The following ZNF202 variants were observed in gnomAD, a reference collection of about 807,000 sequenced individuals.
The protein encoded by ZNF202 is zinc finger protein with KRAB and SCAN domains 10.
ZNF202 carries 22 observed loss-of-function variants against 54.5 expected under a neutral mutation model. The ratio of observed to expected loss-of-function variants is 0.40; its 90% confidence interval spans 0.29 to 0.58. The LOEUF (loss-of-function observed/expected upper bound fraction) is 0.58. Among genes scored for constraint, ZNF202 ranks in the 20% least tolerant of loss-of-function variants. ZNF202 has a pLI of 0.39. For synonymous variants in ZNF202, 294 were observed against 301.4 expected (o/e 0.98, Z 0.26); for missense variants, 644 against 805.5 (o/e 0.80, Z 2.43).
At chr11:123,734,989 T>A (rs996309272) in intron 3 of ZNF202, among the ~76,000 whole-genome samples, 87 of 151,026 alleles carry the variant, frequency 5.8e-4, no homozygotes, top group African/African-American at 2.0e-3. Context: ...ATAATCCAAA[T>A]GCAAGTCACA....
In ZNF202 at chr11:123,726,772, G is replaced by A. The variant is rs1861162479; in HGVS notation, c.1172C>T (p.Pro391Leu). The change falls in exon 9 of 9, where the codon CCC (proline) becomes CTC (leucine). Residue 391 changes from proline (P) to leucine (L), a missense_variant. Physicochemically the swap from Pro to Leu is moderately conservative, Grantham distance 98 (BLOSUM62 -3). Transcript: ENST00000530393. The surrounding 1 kb of genome is among the most constrained non-coding windows in gnomAD (Gnocchi z 6.0). ...VNLRETTPVH[P>L]LLGRHHDCSV... ...ACAGTCATGATGCCTCCCTAACAGG[G>A]GGTGGACGGGTGTAGTTTCCCGAAG... The A allele has an allele frequency of 6.2e-7, 1 of 1,614,206 alleles. No homozygotes were observed. The highest frequency in any genetic ancestry group is 2.2e-5 in the East Asian group (1 of 44,882).
chr11:123,728,003 C>T, intron 7 of ZNF202, 130 bp downstream of exon 7: 1 of 1,058,926 alleles, frequency 9.4e-7, no homozygotes, highest in Non-Finnish European at 1.3e-6. Context: ...CCTAATCCCT[C>T]AATTTTATTG....
In ZNF202 at chr11:123,729,805, G is replaced by A. The variant is rs1417549452; in HGVS notation, c.423C>T (p.Gly141=). The A allele has an allele frequency of 6.2e-7, 1 of 1,609,918 alleles. No individual in the cohort carries two copies. Among genetic ancestry groups the A allele is most frequent in the Admixed American group, 1.7e-5 (1 of 59,474 alleles). ...PRRWVTVHVH[G]QEVLSEETVH... The stretch of plus-strand genomic sequence containing the variant: ...CCGTCTCCTCTGACAGGACTTCCTG[G>A]CCGTGAACATGGACAGTCACCTGGG... Residue 141 remains glycine, a synonymous_variant, in exon 5 of 9, where the codon GGC becomes GGT. Transcript: ENST00000530393.
At chr11:123,737,096 G>C (rs1200632735) in intron 3 of ZNF202, among the ~76,000 whole-genome samples, 2 of 152,104 alleles carry the variant, frequency 1.3e-5, no homozygotes, top group East Asian at 3.9e-4. Flanking sequence ...AGGATTAAAT[G>C]AAAGTGTTGG....
chr11:123,741,248 T>G (rs1007838249), intron 1 of ZNF202, among the ~76,000 whole-genome samples: 2 of 152,072 alleles, frequency 1.3e-5, no homozygotes, highest in African/African-American at 4.8e-5. Context: ...ACGGACTAAC[T>G]ACATTTCTGC....
intron 8 of ZNF202, 82 bp downstream of exon 8, chr11:123,727,394 C>A (rs906695432): frequency 4.4e-6 from 7 of 1,576,576 alleles, no homozygotes; most frequent in Non-Finnish European, 6.0e-6. Context: ...CTGATGAGAG[C>A]GGGGCCCTAC....
Position 123,726,769 on chromosome 11 carries a change from A to AG in ZNF202, c.1174dup (p.Leu392ProfsTer7). On this transcript the variant is annotated frameshift_variant, in exon 9 of 9. Coordinates refer to ENST00000530393, the MANE Select transcript of ZNF202 (RefSeq NM_003455.4). LOFTEE classifies it high-confidence loss of function. The surrounding 1 kb of genome is among the most constrained non-coding windows in gnomAD (Gnocchi z 6.0). Reference sequence around the variant, plus strand: ...AGAACAGTCATGATGCCTCCCTAACAGGGGGTGGACGGGTGTAGTTTCCCG... The same window carrying AG: ...AGAACAGTCATGATGCCTCCCTAACAGGGGGGTGGACGGGTGTAGTTTCCCG... The AG allele has an allele frequency of 6.2e-7, 1 of 1,614,210 alleles. No homozygotes were observed. Among genetic ancestry groups the AG allele is most frequent in the South Asian group, 1.1e-5 (1 of 91,076 alleles).
At chr11:123,727,076 T>G in intron 8 of ZNF202, 85 bp from the exon 9 acceptor site, 1 of 1,497,868 alleles carries the variant, frequency 6.7e-7, no homozygotes. Context: ...ACAAAGGGTT[T>G]TGAGATGGCA....
Position 123,725,547 on chromosome 11 carries a change from C to T in ZNF202, c.*450G>A, listed in dbSNP as rs1861092588. ...CCTGTCTTGAGTCCAGAGCTGTGTG[C>T]TTTAAGATTTGACCCCAGTAAAGAC... is the stretch of plus-strand genomic sequence containing the variant. On this transcript the variant is annotated 3_prime_UTR_variant, in exon 9 of 9. Coordinates refer to ENST00000530393, the MANE Select transcript of ZNF202 (RefSeq NM_003455.4). 1 of 161,416 alleles carries T rather than the reference C, an allele frequency of 6.2e-6. No individual in the cohort carries two copies. The highest frequency in any genetic ancestry group is 2.4e-5 in the African/African-American group (1 of 41,550). The allele number at this position is 161,416 out of a possible 1,614,324, so 10.0% of individuals were successfully genotyped here. A position where few individuals can be genotyped will look rare whatever the true frequency, so the allele number is the denominator to read the frequency against.
chr11:123,726,957 C>G lies in ZNF202; in HGVS notation c.987G>C (p.Glu329Asp). The part of the protein sequence containing the change: ...DRSKDEEECL[E>D]QEDLSLEDIH... ...TATCCTCCAAACTCAGATCTTCCTG[C>G]TCCAGACACTCTTCCTCATCTTTAC... The change falls in exon 9 of 9, where the codon GAG becomes GAC. Residue 329 changes from glutamate to aspartate, a missense_variant. Physicochemically the swap from Glu to Asp is conservative, Grantham distance 45 (BLOSUM62 2). Coordinates refer to ENST00000530393, the MANE Select transcript of ZNF202 (RefSeq NM_003455.4). This position sits in a 1 kb window ranked among gnomAD's most constrained non-coding sequence, Gnocchi z 6.0. The G allele has an allele frequency of 6.2e-7, 1 of 1,613,540 alleles. No homozygotes were observed. Among genetic ancestry groups the G allele is most frequent in the Non-Finnish European group, 8.5e-7 (1 of 1,179,920 alleles).
At chr11:123,741,118 T>C (rs1209478820) in intron 1 of ZNF202, among the ~76,000 whole-genome samples, 2 of 151,882 alleles carry the variant, frequency 1.3e-5, no homozygotes, top group East Asian at 1.9e-4. Context: ...CCCGCGGAGA[T>C]GATCTTAAGC....
intron 3 of ZNF202, among the ~76,000 whole-genome samples, chr11:123,734,891 G>C (rs1167609215): frequency 6.6e-6 from 1 of 152,100 alleles, no homozygotes; most frequent in Non-Finnish European, 1.5e-5. Flanking sequence ...TTTATTGTTT[G>C]GATTGTGAGT....
At chr11:123,733,135 C>A (rs1004030772) in intron 3 of ZNF202, among the ~76,000 whole-genome samples, 1 of 152,164 alleles carries the variant, frequency 6.6e-6, no homozygotes, top group Non-Finnish European at 1.5e-5. Flanking sequence ...ATTTCTCAAC[C>A]TTTTTGTGCT....
At chr11:123,731,221 G>A (rs1381366357) in intron 3 of ZNF202, among the ~76,000 whole-genome samples, 1 of 152,100 alleles carries the variant, frequency 6.6e-6, no homozygotes, top group African/African-American at 2.4e-5. Context: ...AGAAAATACT[G>A]CATTTCCACT....
Position 123,727,543 on chromosome 11 carries a change from A to C in ZNF202, c.885T>G (p.Pro295=), listed in dbSNP as rs147367649. The change falls in exon 8 of 9, where the codon CCT becomes CCG. Residue 295 remains proline, a synonymous_variant. Coordinates refer to ENST00000530393, the MANE Select transcript of ZNF202 (RefSeq NM_003455.4). ...DEISQVREEE[P]WVPDIQEPQE... ...GAGGCTCTTGGATATCTGGGACCCAAGGCTCTTCCTCTCTAACCTGGGAGA... is the reference window on the plus strand; with the variant it reads ...GAGGCTCTTGGATATCTGGGACCCACGGCTCTTCCTCTCTAACCTGGGAGA... 1 of 1,614,172 alleles carries C rather than the reference A, an allele frequency of 6.2e-7. No individual in the cohort carries two copies. Among genetic ancestry groups the C allele is most frequent in the East Asian group, 2.2e-5 (1 of 44,880 alleles).
chr11:123,729,224 AAAG>A lies in ZNF202; in HGVS notation c.614-13_614-11del. 5 of 1,611,090 alleles carry A rather than the reference AAAG, an allele frequency of 3.1e-6. No homozygotes were observed. The highest frequency in any genetic ancestry group is 4.2e-6 in the Non-Finnish European group (5 of 1,179,444). ...TCGGGCACTGGGACCTCTATGAAGAAAAGAAGGCAAAGATCAGTAATATGCAGC... is the reference window on the plus strand; with the variant it reads ...TCGGGCACTGGGACCTCTATGAAGAAAAGGCAAAGATCAGTAATATGCAGC... On this transcript the variant is annotated splice_polypyrimidine_tract_variant and intron_variant, in intron 5 of 8. Transcript: ENST00000530393.
intron 3 of ZNF202, among the ~76,000 whole-genome samples, chr11:123,734,418 A>C (rs1861546245): frequency 6.6e-6 from 1 of 152,176 alleles, no homozygotes; most frequent in South Asian, 2.1e-4. Flanking sequence ...CACTGCAAGA[A>C]TTACTGTTCT....
chr11:123,737,781 C>T (rs1269894725), intron 3 of ZNF202, among the ~76,000 whole-genome samples: 1 of 152,180 alleles, frequency 6.6e-6, no homozygotes, highest in East Asian at 1.9e-4. Context: ...GTTCTGTCCA[C>T]TGCTCTACAT....
chr11:123,741,252 T>C (rs1354587883), intron 1 of ZNF202, among the ~76,000 whole-genome samples: 2 of 152,056 alleles, frequency 1.3e-5, no homozygotes, highest in African/African-American at 4.8e-5. Flanking sequence ...ACTAACTACA[T>C]TTCTGCAGGC....
Sources: allele counts gnomAD v4.1 joint callset (sites outside exome capture counted in the v4.1 genomes callset), GRCh38; gene constraint gnomAD v4.1.1; non-coding constraint Gnocchi (gnomAD v3.1); transcripts MANE v1.5; gene names NCBI Gene and HGNC (gene_info 2026-07-23, HGNC 2026-07-21).